The following AFTPH variants were observed in gnomAD, a reference collection of about 807,000 sequenced individuals.
The protein encoded by AFTPH is aftiphilin protein.
A neutral mutation model predicts 72.5 loss-of-function variants in AFTPH; 7 were observed. That is an observed-to-expected ratio of 0.10 (90% confidence interval 0.05 to 0.18). The LOEUF is 0.18. AFTPH is among the 10% of genes least tolerant of loss of function. The probability of loss-of-function intolerance (pLI) is 1.00; values close to 1 mark genes in which losing one functional copy is unlikely to be tolerated. For synonymous variants in AFTPH, 337 were observed against 370.1 expected, an observed-to-expected ratio of 0.91 and a Z score of 1.03; for missense variants, 979 against 1,060.5, an observed-to-expected ratio of 0.92 and a Z score of 1.07.
chr2:64,582,624 G>A (rs771583435), intron 7 of AFTPH, among the ~76,000 whole-genome samples: 2 of 152,144 alleles, frequency 1.3e-5, no homozygotes, highest in Admixed American at 6.5e-5. Flanking sequence ...ATACTTACGG[G>A]GGGGTAGGAG....
chr2:64,545,869 A>G (rs945600195), intron 1 of AFTPH, among the ~76,000 whole-genome samples: 1 of 151,716 alleles, frequency 6.6e-6, no homozygotes, highest in Non-Finnish European at 1.5e-5. Flanking sequence ...ACAAACACAA[A>G]CGCAAGTTTT....
At chr2:64,532,876 A>G (rs897893558) in intron 1 of AFTPH, among the ~76,000 whole-genome samples, 4 of 152,186 alleles carry the variant, frequency 2.6e-5, no homozygotes, top group Non-Finnish European at 5.9e-5. Flanking sequence ...TACCTATGGG[A>G]AAATTTATTT....
intron 1 of AFTPH, among the ~76,000 whole-genome samples, chr2:64,549,613 T>A (rs1383388859): frequency 6.6e-6 from 1 of 152,040 alleles, no homozygotes; most frequent in African/African-American, 2.4e-5. Context: ...TCCCTTTGCT[T>A]GTAATGTTAA....
At chr2:64,561,999 T>G (rs1374140600) in intron 2 of AFTPH, among the ~76,000 whole-genome samples, 1 of 152,190 alleles carries the variant, frequency 6.6e-6, no homozygotes, top group African/African-American at 2.4e-5. Context: ...GAAAAGAATG[T>G]AGGCTTTGGA....
intron 1 of AFTPH, among the ~76,000 whole-genome samples, chr2:64,537,451 A>T (rs950685077): frequency 5.3e-5 from 8 of 152,250 alleles, no homozygotes; most frequent in African/African-American, 1.9e-4. Context: ...TAAAAATTTT[A>T]AAAAGAATTC....
At chr2:64,574,477 CT>C (rs1672649036) in intron 6 of AFTPH, among the ~76,000 whole-genome samples, 1 of 152,142 alleles carries the variant, frequency 6.6e-6, no homozygotes, top group Non-Finnish European at 1.5e-5. Flanking sequence ...GCCACAGGAC[CT>C]TTTATTGCAG....
At chr2:64,546,660 C>G (rs1670646041) in intron 1 of AFTPH, among the ~76,000 whole-genome samples, 1 of 151,860 alleles carries the variant, frequency 6.6e-6, no homozygotes, top group African/African-American at 2.4e-5. Context: ...TTTAAGACTG[C>G]CAGCCTGATG....
chr2:64,591,211 A>C (rs957360113), intron 8 of AFTPH, among the ~76,000 whole-genome samples: 2 of 152,210 alleles, frequency 1.3e-5, no homozygotes, highest in Non-Finnish European at 2.9e-5. Flanking sequence ...GGGCCAGTGC[A>C]GCAAAATCTA....
intron 8 of AFTPH, among the ~76,000 whole-genome samples, chr2:64,588,187 A>G (rs961315604): frequency 6.6e-6 from 1 of 151,702 alleles, no homozygotes. Flanking sequence ...TGGTTATTTC[A>G]TATAGATGGA....
intron 8 of AFTPH, among the ~76,000 whole-genome samples, chr2:64,588,572 A>C (rs1673641541): frequency 6.6e-6 from 1 of 152,106 alleles, no homozygotes; most frequent in African/African-American, 2.4e-5. Flanking sequence ...CCACATTCTT[A>C]CCAACACTTG....
intron 1 of AFTPH, among the ~76,000 whole-genome samples, chr2:64,548,541 C>T (rs1572969698): frequency 6.7e-6 from 1 of 149,216 alleles, no homozygotes; most frequent in East Asian, 2.0e-4. Flanking sequence ...TTTTAGATTT[C>T]CTTAAAAGGA....
At position 64,586,230 on chromosome 2, in the gene AFTPH, T is replaced by C. The variant is rs1040472060; in HGVS notation, c.2579+685T>C. On this transcript the variant is annotated intron_variant, in intron 8 of 8. Coordinates refer to ENST00000238856, the Ensembl canonical transcript of AFTPH. ...GCCAGTTTCTAACAGGAAGATACTA[T>C]TCTGAACCAGGAAATCACTAGTGCA... Among the ~76,000 whole-genome samples, 3 of 152,230 alleles carry C rather than the reference T, an allele frequency of 2.0e-5. No homozygotes were observed. The East Asian group carries it at 5.8e-4, about 29-fold the overall frequency.
exon 9 of AFTPH, chr2:64,592,027 G>A (rs1235160743): frequency 3.6e-5 from 58 of 1,612,022 alleles, no homozygotes; most frequent in Non-Finnish European, 4.7e-5. Context: ...AGAAAAAGCA[G>A]ACGGATAACT....
At chr2:64,567,737 TA>T (rs1672171787) in intron 3 of AFTPH, 24 bp downstream of exon 3, 1 of 1,588,036 alleles carries the variant, frequency 6.3e-7, no homozygotes, top group Middle Eastern at 1.7e-4. Flanking sequence ...TGTTTTTAGA[TA>T]GCATGTGTTT....
At chr2:64,573,428 G>T (rs1353380839) in intron 6 of AFTPH, among the ~76,000 whole-genome samples, 1 of 124,700 alleles carries the variant, frequency 8.0e-6, no homozygotes, top group African/African-American at 2.9e-5. Flanking sequence ...GTAAGTGCTG[G>T]GTTTAAAAAA....
intron 2 of AFTPH, among the ~76,000 whole-genome samples, chr2:64,564,556 G>T (rs2104018078): frequency 6.6e-6 from 1 of 152,116 alleles, no homozygotes; most frequent in East Asian, 1.9e-4. Flanking sequence ...CAAGGTTGCA[G>T]TGAGCCGAGA....
At chr2:64,525,683 T>C (rs1572925613) in intron 1 of AFTPH, 1 of 152,372 alleles carries the variant, frequency 6.6e-6, no homozygotes, top group South Asian at 2.1e-4. Context: ...CATTAAAATA[T>C]ATGCTAAACT....
chr2:64,576,862 G>A (rs1313195394), intron 6 of AFTPH, among the ~76,000 whole-genome samples: 1 of 152,084 alleles, frequency 6.6e-6, no homozygotes, highest in East Asian at 1.9e-4. Context: ...GGGTTCAAGC[G>A]ATTCTCCTAC....
chr2:64,571,490 A>G (rs1672429791), intron 5 of AFTPH, among the ~76,000 whole-genome samples: 2 of 152,206 alleles, frequency 1.3e-5, no homozygotes, highest in South Asian at 4.1e-4. Flanking sequence ...TACATATGGT[A>G]TTGAGTTAGA....
Sources: gnomAD v4.1 joint callset for allele counts (sites outside exome capture counted in the v4.1 genomes callset) on GRCh38, gnomAD v4.1.1 for gene constraint, MANE v1.5 for transcripts, NCBI Gene and HGNC (gene_info 2026-07-23, HGNC 2026-07-21) for gene names.